The following CCK variants were observed in gnomAD, a reference collection of about 807,000 sequenced individuals.
CCK encodes the protein cholecystokinin.
CCK carries 11 observed loss-of-function variants against 10.1 expected under a neutral mutation model. The ratio of observed to expected loss-of-function variants is 1.09; its 90% CI spans 0.69 to 1.81. The LOEUF is 1.81. Ranked by LOEUF, CCK falls within the 40% of genes most tolerant of loss-of-function variation. The pLI is 0.00. For missense variants in CCK, 137 were observed against 159.9 expected (o/e 0.86, Z 0.77); for synonymous variants, 83 against 71.9 (o/e 1.15, Z -0.78).
In CCK at chr3:42,258,061, AGGTT is replaced by A; in HGVS notation, c.*33_*36del. 5 of 1,589,246 alleles carry A rather than the reference AGGTT, an allele frequency of 3.1e-6. No individual in the cohort carries two copies. Among genetic ancestry groups the A allele is most frequent in the Non-Finnish European group, 4.3e-6 (5 of 1,169,084 alleles). ...CTTATTCTGCCTCCTCTGGGTTGGGAGGTTGCTTCCCGTTGGGCTGATGGCGGCT... is the reference window on the plus strand; with the variant it reads ...CTTATTCTGCCTCCTCTGGGTTGGGAGCTTCCCGTTGGGCTGATGGCGGCT... On this transcript the variant is annotated 3_prime_UTR_variant, in exon 5 of 5. Transcript: ENST00000396169.
At chr3:42,258,281 C>T in intron 4 of CCK, 50 bp from the exon 5 acceptor site, 1 of 1,588,536 alleles carries the variant, frequency 6.3e-7, no homozygotes, top group South Asian at 1.2e-5. Context: ...CTAAAAGCAT[C>T]TCTAGTTCAA....
chr3:42,259,074 C>A (rs772331827), intron 4 of CCK, among the ~76,000 whole-genome samples: 2 of 152,114 alleles, frequency 1.3e-5, no homozygotes, highest in Admixed American at 1.3e-4. Flanking sequence ...AAGCTGGAAA[C>A]CATCATTCTC....
chr3:42,263,110 T>G (rs905239012), intron 4 of CCK: 32 of 471,164 alleles, frequency 6.8e-5, no homozygotes, highest in Non-Finnish European at 1.0e-4. Flanking sequence ...GGGTATTCAC[T>G]GTATCTAGGA....
In CCK at chr3:42,258,076, G is replaced by A. The variant is rs1374385030; in HGVS notation, c.*22C>T. 6.2e-7 allele frequency: 1 copy of A among 1,602,394 alleles called. No individual in the cohort carries two copies. The highest frequency in any genetic ancestry group is 8.5e-7 in the Non-Finnish European group (1 of 1,175,486). On this transcript the variant is annotated 3_prime_UTR_variant, in exon 5 of 5. Coordinates refer to ENST00000396169, the MANE Select transcript of CCK (RefSeq NM_000729.6). ...CTGGGTTGGGAGGTTGCTTCCCGTT[G>A]GGCTGATGGCGGCTGGGTCCTCTAG...
At chr3:42,260,145 A>C (rs1230900327) in intron 4 of CCK, among the ~76,000 whole-genome samples, 1 of 151,748 alleles carries the variant, frequency 6.6e-6, no homozygotes, top group Admixed American at 6.6e-5. Flanking sequence ...CCCAACCCCA[A>C]CCCTTCCCAG....
chr3:42,258,642 A>T (rs1452842441), intron 4 of CCK, among the ~76,000 whole-genome samples: 4 of 152,158 alleles, frequency 2.6e-5, no homozygotes, highest in Non-Finnish European at 5.9e-5. Flanking sequence ...AATTGTTCCT[A>T]AATTCATCCC....
chr3:42,263,658 C>T (rs1382143324), intron 3 of CCK, 26 bp from the exon 4 acceptor site: 2 of 1,499,968 alleles, frequency 1.3e-6, no homozygotes, highest in Non-Finnish European at 1.8e-6. Flanking sequence ...GAGGAGGGCG[C>T]GTTAACTGAA....
rs749077333 is a variant in CCK at position 42,263,580 on chromosome 3, G to T, written c.51C>A (p.Gly17=). 2 of 1,591,064 alleles carry T rather than the reference G, an allele frequency of 1.3e-6. No homozygotes were observed. The highest frequency in any genetic ancestry group is 2.2e-5 in the South Asian group (2 of 89,054). ...LCVLMAVLAA[G]ALTQPVPPAD... is the part of the protein sequence containing the mutation. ...CGGGAGGCACCGGCTGCGTCAGGGC[G>T]CCAGCCGCCAGTACCGCCATCAGCA... The change falls in exon 4 of 5, where the codon GGC becomes GGA. Residue 17 remains glycine, a synonymous_variant. Transcript: ENST00000396169.
At chr3:42,258,268 C>T (rs1267279931) in intron 4 of CCK, 37 bp from the exon 5 acceptor site, 1 of 1,594,472 alleles carries the variant, frequency 6.3e-7, no homozygotes, top group Non-Finnish European at 8.5e-7. Flanking sequence ...AGGGACATTG[C>T]ATCTAAAAGC....
chr3:42,263,105 T>G, intron 4 of CCK: 1 of 458,922 alleles, frequency 2.2e-6, no homozygotes, highest in South Asian at 2.1e-5. Context: ...GTAGAGGGTA[T>G]TCACTGTATC....
chr3:42,263,292 A>G (rs1868522), intron 4 of CCK, 125 bp downstream of exon 4: 716,868 of 1,442,080 alleles, frequency 0.5, 180,946 homozygotes, highest in South Asian at 0.62. Flanking sequence ...GGACCGCCAG[A>G]AATCATGTTG....
In CCK at chr3:42,263,547, G is replaced by C. The variant is rs1352338474; in HGVS notation, c.84C>G (p.Pro28=). Residue 28 remains proline, a synonymous_variant, in exon 4 of 5, where the codon CCC becomes CCG. Transcript: ENST00000396169. ...CTGCCCGCTGCAGCCCGGAGCCCGC[G>C]GGATCTGCGGGAGGCACCGGCTGCG... The part of the protein sequence containing the change: ...ALTQPVPPAD[P]AGSGLQRAEE... The C allele has an allele frequency of 8.1e-6, 13 of 1,612,028 alleles. No homozygotes were observed. The highest frequency in any genetic ancestry group is 7.6e-6 in the Non-Finnish European group (9 of 1,179,236).
At position 42,265,728 on chromosome 3, in the gene CCK, C is replaced by CTAG. The variant is rs1044417422; in HGVS notation, c.-430_-428dup. 9 of 152,338 alleles carry CTAG rather than the reference C, an allele frequency of 5.9e-5. No individual in the cohort carries two copies. Among genetic ancestry groups the CTAG allele is most frequent in the African/African-American group, 2.2e-4 (9 of 41,436 alleles). The allele number at this position is 152,338 out of a possible 1,614,324, so 9.4% of individuals were successfully genotyped here. A position where few individuals can be genotyped will look rare whatever the true frequency, so the allele number is the denominator to read the frequency against. ...CAGCCTGGAGGTGAGGACCTCACCC[C>CTAG]TAGTCAGTCACCCGTCCGGTGGAGG... On this transcript the variant is annotated 5_prime_UTR_variant, in exon 1 of 5. Transcript: ENST00000396169.
Position 42,259,599 on chromosome 3 carries a change from CA to C in CCK, c.215-1369del, listed in dbSNP as rs138470060. Among the ~76,000 whole-genome samples the C allele has an allele frequency of 6.7e-3, 1,014 of 152,216 alleles. 10 individuals are homozygous for C. Among genetic ancestry groups the C allele is most frequent in the African/African-American group, 0.023 (973 of 41,504 alleles). Reference sequence around the variant, plus strand: ...AGGTGATAACAAAGGTGATTTAAATCAGCAATTTTGACCAAAATGCAATAAC... The same window carrying C: ...AGGTGATAACAAAGGTGATTTAAATCGCAATTTTGACCAAAATGCAATAAC... On this transcript the variant is annotated intron_variant, in intron 4 of 4. Coordinates refer to ENST00000396169, the MANE Select transcript of CCK (RefSeq NM_000729.6).
Position 42,258,165 on chromosome 3 carries a change from T to A in CCK, c.281A>T (p.Asp94Val). ...ATCCATCCAGCCCATGTAGTCCCGG[T>A]CACTTATCCTGTGGCTGGGGTCCAG... ...QNLDPSHRIS[D>V]RDYMGWMDFG... is the part of the protein sequence containing the mutation. Residue 94 changes from aspartate (D) to valine (V), a missense_variant, in exon 5 of 5, where the codon GAC becomes GTC. Asp to Val is a radical substitution (Grantham distance 152). Transcript: ENST00000396169. 6.2e-7 allele frequency: 1 copy of A among 1,614,048 alleles called. No homozygotes were observed. The highest frequency in any genetic ancestry group is 8.5e-7 in the Non-Finnish European group (1 of 1,179,978).
intron 4 of CCK, 187 bp downstream of exon 4, chr3:42,263,230 T>C (rs1340791979): frequency 7.2e-6 from 6 of 837,296 alleles, no homozygotes; most frequent in Non-Finnish European, 1.2e-5. Context: ...TCAAGAAGGT[T>C]CCCCTTACTT....
intron 3 of CCK, 82 bp from the exon 4 acceptor site, chr3:42,263,714 G>A (rs1261807623): frequency 2.1e-6 from 3 of 1,454,988 alleles, no homozygotes; most frequent in Non-Finnish European, 2.7e-6. Context: ...ACCCAGAAGC[G>A]GGCTTAGGAC....
intron 3 of CCK, among the ~76,000 whole-genome samples, chr3:42,264,435 A>T (rs1217635716): frequency 6.6e-6 from 1 of 152,326 alleles, no homozygotes; most frequent in East Asian, 1.9e-4. Context: ...AGCAAACTCA[A>T]TCTGCATGCG....
At chr3:42,263,145 A>G (rs1265412994) in intron 4 of CCK, 2 of 562,214 alleles carry the variant, frequency 3.6e-6, no homozygotes, top group Admixed American at 3.0e-5. Flanking sequence ...TTCAATAATT[A>G]TCTTTTAATG....
Sources: gnomAD v4.1 joint callset for allele counts (sites outside exome capture counted in the v4.1 genomes callset) on GRCh38, gnomAD v4.1.1 for gene constraint, MANE v1.5 for transcripts, NCBI Gene and HGNC (gene_info 2026-07-23, HGNC 2026-07-21) for gene names.